PCDH9: variants seen among roughly 807,000 people sequenced by gnomAD.
The protein encoded by PCDH9 is protocadherin 9, also known as protocadherin-9.
PCDH9 carries 24 observed loss-of-function variants against 70.6 expected under a neutral mutation model. The observed-to-expected ratio is 0.34, with a 90% CI of 0.25 to 0.48. The LOEUF is 0.48. Ranked by LOEUF, PCDH9 falls within the 20% of genes least tolerant of loss-of-function variation. The probability of loss-of-function intolerance (pLI) is 0.99; values close to 1 mark genes in which losing one functional copy is unlikely to be tolerated. For synonymous variants in PCDH9, 562 were observed against 558.5 expected, an observed-to-expected ratio of 1.01 and a Z score of -0.09; for missense variants, 1,281 against 1,503.6, an observed-to-expected ratio of 0.85 and a Z score of 2.45.
intron 4 of PCDH9, among the ~76,000 whole-genome samples, chr13:66,560,016 T>C (rs1189190452): frequency 4.6e-5 from 7 of 151,796 alleles, no homozygotes; most frequent in Admixed American, 3.9e-4. Flanking sequence ...GTTGAACATA[T>C]GCAGTTTATT....
rs1027768913 is a variant in PCDH9, at chr13:67,196,059, C to T, written c.3036+29346G>A. Among the ~76,000 whole-genome samples the T allele has an allele frequency of 3.3e-5, 5 of 152,246 alleles. No homozygotes were observed. In the South Asian group the frequency reaches 8.3e-4, roughly 25 times the overall value. ...GGTGACACTGAAGTGGTCACTTAAT[C>T]GGTGATAGTTTGTTGTGAAGAGTAA... On this transcript the variant is annotated intron_variant, in intron 2 of 4. Transcript: ENST00000377865.
Position 67,227,395 on chromosome 13 carries a change from G to A in PCDH9, c.1046C>T (p.Thr349Ile), listed in dbSNP as rs1438580022. ...ATTAGGAGGGTTATCATTTACATCG[G>A]TGACATTGATGGTAACCGTTGCTCG... The part of the protein sequence containing the change: ...PARATVTINV[T>I]DVNDNPPNID... The change falls in exon 2 of 5, where the codon ACC (threonine) becomes ATC (isoleucine). Residue 349 changes from threonine to isoleucine, a missense_variant. Physicochemically the swap from Thr to Ile is moderately conservative, Grantham distance 89. Coordinates refer to ENST00000377865, the MANE Select transcript of PCDH9 (RefSeq NM_203487.3). The surrounding 1 kb of genome is among the most constrained non-coding windows in gnomAD (Gnocchi z 4.6). 6.2e-7 allele frequency: 1 copy of A among 1,613,430 alleles called. No individual in the cohort carries two copies. The highest frequency in any genetic ancestry group is 8.5e-7 in the Non-Finnish European group (1 of 1,179,422).
Position 66,931,993 on chromosome 13 carries a change from T to C in PCDH9, c.3037-28388A>G, listed in dbSNP as rs78326726. Among the ~76,000 whole-genome samples, 1,397 of 152,260 alleles carry C rather than the reference T, an allele frequency of 9.2e-3. 31 individuals carry two copies. Among genetic ancestry groups the C allele is most frequent in the African/African-American group, 0.032 (1,342 of 41,560 alleles). ...ATGTGTTTGCTTCCTTGTGTTTGAA[T>C]AAAACAGTTATATTATTATGAATGA... On this transcript the variant is annotated intron_variant, in intron 2 of 4. Coordinates refer to ENST00000377865, the MANE Select transcript of PCDH9 (RefSeq NM_203487.3).
chr13:66,987,693 A>AT (rs66494405), intron 2 of PCDH9, among the ~76,000 whole-genome samples: 79,212 of 151,406 alleles, frequency 0.52, 22,234 homozygotes, highest in South Asian at 0.67. Context: ...AGATATTCCA[A>AT]TTTTTTTGTA....
At chr13:66,426,816 T>A (rs1957678673) in intron 4 of PCDH9, among the ~76,000 whole-genome samples, 4 of 151,590 alleles carry the variant, frequency 2.6e-5, no homozygotes, top group Non-Finnish European at 3.0e-5. Flanking sequence ...AGATATTTTT[T>A]CTTTTGTGTA....
At chr13:66,356,556 A>T (rs886551711) in intron 4 of PCDH9, among the ~76,000 whole-genome samples, 1 of 152,090 alleles carries the variant, frequency 6.6e-6, no homozygotes, top group African/African-American at 2.4e-5. Context: ...ACTCCAAAAA[A>T]AATGAAGGGT....
intron 3 of PCDH9, among the ~76,000 whole-genome samples, chr13:66,825,586 C>T (rs925367226): frequency 2.0e-5 from 3 of 151,804 alleles, no homozygotes; most frequent in South Asian, 2.1e-4. Context: ...CCGCCCGTCT[C>T]GGCCTCCCAA....
chr13:66,680,212 C>T (rs974467979), intron 3 of PCDH9, among the ~76,000 whole-genome samples: 2 of 151,942 alleles, frequency 1.3e-5, no homozygotes, highest in Non-Finnish European at 1.5e-5. Flanking sequence ...TAATCTAACT[C>T]AGAAAGCAAC....
intron 4 of PCDH9, among the ~76,000 whole-genome samples, chr13:66,622,157 T>A (rs761577154): frequency 3.3e-5 from 5 of 152,212 alleles, no homozygotes; most frequent in Non-Finnish European, 7.4e-5. Flanking sequence ...TGCACTCGAT[T>A]TGTCACCGGG....
intron 4 of PCDH9, among the ~76,000 whole-genome samples, chr13:66,557,137 A>G (rs1961772856): frequency 6.6e-6 from 1 of 152,200 alleles, no homozygotes; most frequent in African/African-American, 2.4e-5. Flanking sequence ...TTCAAGTTCA[A>G]ATGGATGCGA....
At chr13:67,020,296 C>A (rs2139859077) in intron 2 of PCDH9, among the ~76,000 whole-genome samples, 1 of 152,256 alleles carries the variant, frequency 6.6e-6, no homozygotes, top group Non-Finnish European at 1.5e-5. Context: ...GCCAACACAT[C>A]CAACCATCTG....
intron 2 of PCDH9, among the ~76,000 whole-genome samples, chr13:67,176,686 A>G (rs754218689): frequency 9.2e-5 from 14 of 151,958 alleles, no homozygotes; most frequent in Non-Finnish European, 1.5e-4. Flanking sequence ...AGAATACATT[A>G]TTTCCCCCCT....
rs536223718 is a variant in PCDH9, at chr13:66,399,709, G to A, written c.3341-94681C>T. 1.2e-3 allele frequency among the ~76,000 whole-genome samples: 184 copies of A among 149,358 alleles called. 1 individual carries two copies. Among genetic ancestry groups the A allele is most frequent in the Admixed American group, 2.9e-3 (44 of 14,972 alleles). On this transcript the variant is annotated intron_variant, in intron 4 of 4. Coordinates refer to ENST00000377865, the MANE Select transcript of PCDH9 (RefSeq NM_203487.3). ...GGAAATGATCTTTTGTCAAAAAAAA[G>A]AAGCAAAAAATAAAGAACCAAAAAA...
At chr13:66,797,448 C>A (rs140412883) in intron 3 of PCDH9, among the ~76,000 whole-genome samples, 13 of 152,078 alleles carry the variant, frequency 8.5e-5, no homozygotes, top group African/African-American at 3.1e-4. Flanking sequence ...GTCTGCTTTA[C>A]GGTTATTAGA....
intron 3 of PCDH9, among the ~76,000 whole-genome samples, chr13:66,836,951 A>G (rs1566229516): frequency 6.6e-6 from 1 of 152,206 alleles, no homozygotes; most frequent in Non-Finnish European, 1.5e-5. Context: ...ATTTGCTTAG[A>G]AAAGCTCCAG....
At chr13:66,843,401 A>G (rs889538933) in intron 3 of PCDH9, among the ~76,000 whole-genome samples, 2 of 152,178 alleles carry the variant, frequency 1.3e-5, no homozygotes, top group Non-Finnish European at 2.9e-5. Flanking sequence ...CACACGTTAT[A>G]AAATGCTCTG....
At chr13:66,935,803 G>C (rs775885823) in intron 2 of PCDH9, among the ~76,000 whole-genome samples, 1 of 151,960 alleles carries the variant, frequency 6.6e-6, no homozygotes, top group African/African-American at 2.4e-5. Flanking sequence ...TTTTGCAGCC[G>C]GGCACCATGG....
At chr13:66,554,722 A>C (rs1369186576) in intron 4 of PCDH9, among the ~76,000 whole-genome samples, 1 of 152,174 alleles carries the variant, frequency 6.6e-6, no homozygotes, top group African/African-American at 2.4e-5. Flanking sequence ...TAAAAGAAAG[A>C]GATACTAAAG....
chr13:66,685,214 C>T (rs978492728), intron 3 of PCDH9, among the ~76,000 whole-genome samples: 2 of 152,116 alleles, frequency 1.3e-5, no homozygotes, highest in Non-Finnish European at 2.9e-5. Context: ...GTGTTGTGGG[C>T]CAGGCCCAGG....
Sources: gnomAD v4.1 joint callset for allele counts (sites outside exome capture counted in the v4.1 genomes callset) on GRCh38, gnomAD v4.1.1 for gene constraint, Gnocchi (gnomAD v3.1) non-coding constraint, MANE v1.5 for transcripts, NCBI Gene and HGNC (gene_info 2026-07-23, HGNC 2026-07-21) for gene names.